The following CLCNKB variants were observed in gnomAD, a reference collection of about 807,000 sequenced individuals.
The protein encoded by CLCNKB is chloride channel protein ClC-Kb.
A neutral mutation model predicts 83.8 loss-of-function variants in CLCNKB; 74 were observed. The observed-to-expected ratio is 0.88, with a 90% CI of 0.73 to 1.07. The LOEUF (loss-of-function observed/expected upper bound fraction) is 1.07, where lower values mean the gene tolerates loss of function less well. CLCNKB is among the 50% of genes least tolerant of loss of function. The pLI, the probability that CLCNKB is intolerant of heterozygous loss-of-function variation, is 0.00. For missense variants in CLCNKB, 798 were observed against 893.6 expected (o/e 0.89, Z 1.36); for synonymous variants, 358 against 356.6 (o/e 1.00, Z -0.04).
intron 11 of CLCNKB, 23 bp downstream of exon 11, chr1:16,050,623 G>A (rs758571826): frequency 1.2e-6 from 2 of 1,609,932 alleles, no homozygotes; most frequent in South Asian, 2.2e-5. Flanking sequence ...GAGTGGGGTG[G>A]CAGGAGTGGG....
In CLCNKB at chr1:16,051,504, C is replaced by T. The variant is rs6650118; in HGVS notation, c.1254C>T (p.Thr418=). 181,588 of 1,610,352 alleles carry T rather than the reference C, an allele frequency of 0.11. 11,736 individuals are homozygous for T. The highest frequency in any genetic ancestry group is 0.22 in the African/African-American group (16,319 of 74,828). The change falls in exon 13 of 20, where the codon ACC becomes ACT. Residue 418 remains threonine, a synonymous_variant. Transcript: ENST00000375679. ...MKFWMLILAT[T]IPMPAGYFMP... ...TCTGGATGCTGATTCTGGCCACCAC[C>T]ATCCCCATGCCTGCCGGGTACTTCA...
rs143673726 is a variant in CLCNKB, at chr1:16,045,574, G to A, written c.117G>A (p.Leu39=). 1.9e-5 allele frequency: 31 copies of A among 1,613,700 alleles called. No individual in the cohort carries two copies. The African/African-American group carries it at 3.5e-4, about 18-fold the overall frequency. Residue 39 remains leucine, a synonymous_variant, in exon 3 of 20, where the codon CTG becomes CTA. Transcript: ENST00000375679. The part of the protein sequence containing the change: ...RRGIRGGLEW[L]KQKLFRLGED... Reference sequence around the variant, plus strand: ...CTGCCCCAGGTGGCCTGGAGTGGCTGAAGCAGAAGCTCTTCCGCCTGGGCG... The same window carrying A: ...CTGCCCCAGGTGGCCTGGAGTGGCTAAAGCAGAAGCTCTTCCGCCTGGGCG...
At chr1:16,054,680 G>A (rs115316696) in intron 16 of CLCNKB, among the ~76,000 whole-genome samples, 27 of 152,016 alleles carry the variant, frequency 1.8e-4, no homozygotes, top group African/African-American at 6.5e-4. Context: ...GTTTGCATTC[G>A]GATGACCCCA....
chr1:16,056,589 GAC>G (rs2023450169), intron 19 of CLCNKB, 81 bp downstream of exon 19: 4 of 534,444 alleles, frequency 7.5e-6, no homozygotes, highest in Non-Finnish European at 1.5e-5. Context: ...GGGTGGGGGG[GAC>G]ACCAGCATGC....
Position 16,049,199 on chromosome 1 carries a change from C to A in CLCNKB, c.735C>A (p.Cys245Ter), listed in dbSNP as rs778026556. Reference sequence around the variant, plus strand: ...GGAGGGGCTTCTTTGCGGCCACCTGCGGGGCCTTCATGTTCCGGCTCCTGG... The same window carrying A: ...GGAGGGGCTTCTTTGCGGCCACCTGAGGGGCCTTCATGTTCCGGCTCCTGG... ...DYWRGFFAAT[C>*]GAFMFRLLAV... is the part of the protein sequence containing the mutation. Residue 245 changes from cysteine (C) to a stop codon, truncating the protein, a stop_gained, in exon 8 of 20, where the codon TGC becomes TGA. Coordinates refer to ENST00000375679, the MANE Select transcript of CLCNKB (RefSeq NM_000085.5). LOFTEE classifies it high-confidence loss of function. The A allele has an allele frequency of 3.7e-6, 6 of 1,613,658 alleles. No homozygotes were observed. The Admixed American group carries it at 8.3e-5, about 22-fold the overall frequency.
At chr1:16,044,625 A>G in intron 2 of CLCNKB, 33 bp downstream of exon 2, 3 of 1,508,650 alleles carry the variant, frequency 2.0e-6, no homozygotes, top group Admixed American at 1.9e-5. Flanking sequence ...TTCCCCCTGG[A>G]GGACCACTCA....
intron 7 of CLCNKB, 64 bp from the exon 8 acceptor site, chr1:16,049,056 G>C: frequency 1.2e-6 from 2 of 1,613,034 alleles, no homozygotes; most frequent in Non-Finnish European, 8.5e-7. Context: ...GACATGGGGA[G>C]GGGGTCCTAC....
At position 16,056,488 on chromosome 1, in the gene CLCNKB, G is replaced by C. The variant is rs868827527; in HGVS notation, c.1996G>C (p.Gly666Arg). Reference sequence around the variant, plus strand: ...TGTGACGTCGCGGGGCAGAGCTGTGGGCTGCGTGTCCTGGGTGGAGGTACC... The same window carrying C: ...TGTGACGTCGCGGGGCAGAGCTGTGCGCTGCGTGTCCTGGGTGGAGGTACC... ...LFVTSRGRAV[G>R]CVSWVEMKKA... Residue 666 changes from glycine (G) to arginine (R), a missense_variant, in exon 19 of 20, where the codon GGC becomes CGC. By Grantham distance (125) the Gly-to-Arg change is moderately radical. Coordinates refer to ENST00000375679, the MANE Select transcript of CLCNKB (RefSeq NM_000085.5). 1 of 1,613,622 alleles carries C rather than the reference G, an allele frequency of 6.2e-7. No individual in the cohort carries two copies.
At chr1:16,044,087 C>T (rs2023012837) in intron 1 of CLCNKB, among the ~76,000 whole-genome samples, 1 of 152,106 alleles carries the variant, frequency 6.6e-6, no homozygotes, top group African/African-American at 2.4e-5. Context: ...CCATGGGACT[C>T]TGCAGTGAGA....
In CLCNKB at chr1:16,049,903, C is replaced by G; in HGVS notation, c.955C>G (p.Leu319Val). 4 of 1,613,650 alleles carry G rather than the reference C, an allele frequency of 2.5e-6. No homozygotes were observed. The highest frequency in any genetic ancestry group is 3.4e-6 in the Non-Finnish European group (4 of 1,179,778). ...FIRNNRFSSKLLATSKPVYSA... is the reference protein window; with the variant it reads ...FIRNNRFSSKVLATSKPVYSA... ...CAGGAACAATAGGTTCAGCTCCAAA[C>G]TGCTGGCCACCAGGTAGGCTCCGGG... is the stretch of plus-strand genomic sequence containing the variant. Residue 319 changes from leucine to valine, a missense_variant, in exon 10 of 20, where the codon CTG becomes GTG. Leu to Val is a conservative substitution (Grantham distance 32). Transcript: ENST00000375679.
chr1:16,049,962 C>G lies in CLCNKB; in HGVS notation c.968+46C>G, dbSNP rs571586564. The G allele has an allele frequency of 1.3e-3, 1,947 of 1,484,696 alleles. 18 individuals carry two copies. The African/African-American group carries it at 0.017, about 13-fold the overall frequency. The allele number at this position is 1,484,696 out of a possible 1,614,324, so 92.0% of individuals were successfully genotyped here. The stretch of plus-strand genomic sequence containing the variant: ...TGGGGACCTCTCAGCGAGCTCCCCC[C>G]TCACCGTACTCCCAACCTTATGTAG... On this transcript the variant is annotated intron_variant, in intron 10 of 19. Transcript: ENST00000375679.
intron 16 of CLCNKB, among the ~76,000 whole-genome samples, chr1:16,054,320 G>T (rs9442228): frequency 0.3 from 46,338 of 152,022 alleles, 7,530 homozygotes; most frequent in Middle Eastern, 0.43. Context: ...CAGCCCATGT[G>T]TCCCCCTGTG....
chr1:16,054,704 C>A (rs79764495), intron 16 of CLCNKB, among the ~76,000 whole-genome samples: 3,628 of 152,222 alleles, frequency 0.024, 71 homozygotes, highest in Middle Eastern at 0.041. Context: ...AGAGCCTTCA[C>A]TTCCTGGATC....
In CLCNKB at chr1:16,048,577, T is replaced by C. The variant is rs1557468242; in HGVS notation, c.650T>C (p.Phe217Ser). The C allele has an allele frequency of 6.2e-7, 1 of 1,613,172 alleles. No individual in the cohort carries two copies. The highest frequency in any genetic ancestry group is 8.5e-7 in the Non-Finnish European group (1 of 1,179,578). The change falls in exon 7 of 20, where the codon TTC becomes TCC. Residue 217 changes from phenylalanine (F) to serine (S), a missense_variant. Phe to Ser is a radical substitution (Grantham distance 155). Transcript: ENST00000375679. ...VGVATVFAAP[F>S]SGVLFSIEVM... is the part of the protein sequence containing the mutation. ...GTGGCCACAGTCTTTGCAGCTCCCT[T>C]CAGCGGTGAGACCCCTTCATGCCCC... is the stretch of plus-strand genomic sequence containing the variant.
intron 11 of CLCNKB, 30 bp from the exon 12 acceptor site, chr1:16,050,845 C>G: frequency 6.2e-7 from 1 of 1,610,924 alleles, no homozygotes; most frequent in Non-Finnish European, 8.5e-7. Context: ...GGGGGCCCCT[C>G]ATGTCCAGTT....
chr1:16,055,667 A>C lies in CLCNKB; in HGVS notation c.1846-8A>C, dbSNP rs770529315. The C allele has an allele frequency of 1.9e-6, 3 of 1,613,530 alleles. No individual in the cohort carries two copies. The highest frequency in any genetic ancestry group is 2.2e-5 in the East Asian group (1 of 44,866). On this transcript the variant is annotated splice_region_variant and splice_polypyrimidine_tract_variant and intron_variant, in intron 17 of 19. Coordinates refer to ENST00000375679, the MANE Select transcript of CLCNKB (RefSeq NM_000085.5). The stretch of plus-strand genomic sequence containing the variant: ...AGCCCTGCACCTGTAACCCTTCCCC[A>C]CCCCCAGCAGTGTCTCCAGGACATC...
chr1:16,055,496 G>A lies in CLCNKB; in HGVS notation c.1818G>A (p.Glu606=). The change falls in exon 17 of 20, where the codon GAG becomes GAA. Residue 606 remains glutamate, a synonymous_variant. Coordinates refer to ENST00000375679, the MANE Select transcript of CLCNKB (RefSeq NM_000085.5). ...AGCTGGTGCAGGCCCTGAAGGCTGA[G>A]CCTCCTTCCTGGGCTCCTGGACACC... The part of the protein sequence containing the change: ...RAQLVQALKA[E]PPSWAPGHQQ... 1 of 1,609,818 alleles carries A rather than the reference G, an allele frequency of 6.2e-7. No homozygotes were observed. The highest frequency in any genetic ancestry group is 8.5e-7 in the Non-Finnish European group (1 of 1,178,272).
Position 16,045,607 on chromosome 1 carries a change from G to A in CLCNKB, c.150G>A (p.Trp50Ter), listed in dbSNP as rs1253263367. 1 of 1,614,084 alleles carries A rather than the reference G, an allele frequency of 6.2e-7. No individual in the cohort carries two copies. Among genetic ancestry groups the A allele is most frequent in the Non-Finnish European group, 8.5e-7 (1 of 1,179,930 alleles). The change falls in exon 3 of 20, where the codon TGG (tryptophan) becomes TGA (stop). Residue 50 changes from tryptophan (W) to a stop codon, truncating the protein, a stop_gained. Transcript: ENST00000375679. LOFTEE classifies it high-confidence loss of function. ...AGCTCTTCCGCCTGGGCGAGGACTGGTACTTCCTGATGACCCTCGGGGTGC... is the reference window on the plus strand; with the variant it reads ...AGCTCTTCCGCCTGGGCGAGGACTGATACTTCCTGATGACCCTCGGGGTGC... ...KQKLFRLGED[W>*]YFLMTLGVLM...
Position 16,046,536 on chromosome 1 carries a change from G to C in CLCNKB, c.231G>C (p.Ala77=), listed in dbSNP as rs143215915. ...MDLAVESVVR[A]HQWLYREIGD... is the part of the protein sequence containing the mutation. Reference sequence around the variant, plus strand: ...TCCCTGATACCCGGCTGTCCCCAGCGCACCAGTGGCTGTACAGGGAGATTG... The same window carrying C: ...TCCCTGATACCCGGCTGTCCCCAGCCCACCAGTGGCTGTACAGGGAGATTG... Residue 77 remains alanine (A), a splice_region_variant and synonymous_variant, in exon 4 of 20, where the codon GCG becomes GCC. Transcript: ENST00000375679. 6.2e-7 allele frequency: 1 copy of C among 1,613,836 alleles called. No individual in the cohort carries two copies. Among genetic ancestry groups the C allele is most frequent in the South Asian group, 1.1e-5 (1 of 91,050 alleles).
Sources: allele counts gnomAD v4.1 joint callset (sites outside exome capture counted in the v4.1 genomes callset), GRCh38; gene constraint gnomAD v4.1.1; transcripts MANE v1.5; gene names NCBI Gene and HGNC (gene_info 2026-07-23, HGNC 2026-07-21).